CNNM2: variants seen among roughly 807,000 people sequenced by gnomAD.
The protein encoded by CNNM2 is metal transporter CNNM2.
In CNNM2, 12 loss-of-function variants were observed where a neutral mutation model predicts 66.9. The observed-to-expected ratio is 0.18, with a 90% confidence interval of 0.11 to 0.29. The LOEUF (loss-of-function observed/expected upper bound fraction) is 0.29. Ranked by LOEUF, CNNM2 falls within the 10% of genes least tolerant of loss-of-function variation. The probability of loss-of-function intolerance (pLI) is 1.00; values close to 1 mark genes in which losing one functional copy is unlikely to be tolerated. For missense variants in CNNM2, 705 were observed against 1,167.7 expected, an observed-to-expected ratio of 0.60 and a Z score of 5.77; for synonymous variants, 557 against 501.8, an observed-to-expected ratio of 1.11 and a Z score of -1.47.
chr10:103,028,072 G>C (rs936636916), intron 1 of CNNM2, among the ~76,000 whole-genome samples: 1 of 152,104 alleles, frequency 6.6e-6, no homozygotes, highest in Non-Finnish European at 1.5e-5. Flanking sequence ...TGCCTTTTTT[G>C]ATGAGGGGTC....
chr10:102,955,436 C>T (rs1337108267), intron 1 of CNNM2, among the ~76,000 whole-genome samples: 6 of 152,136 alleles, frequency 3.9e-5, no homozygotes, highest in African/African-American at 7.2e-5. Flanking sequence ...AGAAAACCTA[C>T]GCAGTACCAT....
intron 1 of CNNM2, among the ~76,000 whole-genome samples, chr10:102,995,635 G>GTA (rs1278497058): frequency 6.7e-6 from 1 of 148,878 alleles, no homozygotes; most frequent in African/African-American, 2.5e-5. Flanking sequence ...TAGTTTACAA[G>GTA]TACTAATTTA....
At chr10:102,963,220 G>C (rs913919962) in intron 1 of CNNM2, among the ~76,000 whole-genome samples, 2 of 152,166 alleles carry the variant, frequency 1.3e-5, no homozygotes, top group Non-Finnish European at 2.9e-5. Flanking sequence ...TAAGTAAGTA[G>C]TTCCAAAAAG....
intron 1 of CNNM2, among the ~76,000 whole-genome samples, chr10:102,997,285 A>T (rs2064021174): frequency 6.6e-6 from 1 of 152,176 alleles, no homozygotes; most frequent in Non-Finnish European, 1.5e-5. Context: ...TTCTTGATCC[A>T]CTGCAGGTGA....
At chr10:102,920,818 T>C (rs966716423) in intron 1 of CNNM2, among the ~76,000 whole-genome samples, 1 of 152,228 alleles carries the variant, frequency 6.6e-6, no homozygotes. Context: ...GCCAGCCTTT[T>C]GTGAAGAGGC....
At chr10:103,045,323 G>C (rs1188205857) in intron 1 of CNNM2, among the ~76,000 whole-genome samples, 1 of 152,118 alleles carries the variant, frequency 6.6e-6, no homozygotes, top group Non-Finnish European at 1.5e-5. Context: ...GAAGATTGTA[G>C]GATGCCTAAT....
At chr10:102,920,390 G>A (rs1408515875) in intron 1 of CNNM2, among the ~76,000 whole-genome samples, 1 of 138,500 alleles carries the variant, frequency 7.2e-6, no homozygotes, top group African/African-American at 2.7e-5. Context: ...TTTTTTTTTT[G>A]GTCCCGTGTG....
chr10:103,055,722 A>G (rs2065283833), intron 3 of CNNM2, among the ~76,000 whole-genome samples: 1 of 152,290 alleles, frequency 6.6e-6, no homozygotes, highest in Non-Finnish European at 1.5e-5. Flanking sequence ...TAATTAGAAA[A>G]TAAAAGAACA....
intron 1 of CNNM2, among the ~76,000 whole-genome samples, chr10:102,984,421 G>A (rs1341118835): frequency 6.6e-6 from 1 of 152,132 alleles, no homozygotes; most frequent in African/African-American, 2.4e-5. Flanking sequence ...AACAGAATGA[G>A]AGAAATAATC....
intron 1 of CNNM2, among the ~76,000 whole-genome samples, chr10:102,970,849 T>C (rs2063536289): frequency 6.6e-6 from 1 of 152,146 alleles, no homozygotes; most frequent in Non-Finnish European, 1.5e-5. Flanking sequence ...TATTGAAAGA[T>C]TCCTGTTTTG....
chr10:102,918,352 G>C lies in CNNM2; in HGVS notation c.-129G>C, dbSNP rs1477321140. On this transcript the variant is annotated 5_prime_UTR_variant, in exon 1 of 8. Coordinates refer to ENST00000369878, the MANE Select transcript of CNNM2 (RefSeq NM_017649.5). This position sits in a 1 kb window ranked among gnomAD's most constrained non-coding sequence, Gnocchi z 4.1. ...TCCTCAGCTGGCTGAGGTGGAGTCA[G>C]TGTCAGTCAGGGAGGCGAACTGCTG... 28 of 1,447,214 alleles carry C rather than the reference G, an allele frequency of 1.9e-5. No homozygotes were observed. The highest frequency in any genetic ancestry group is 2.4e-5 in the Non-Finnish European group (26 of 1,093,742). 89.6% of individuals were successfully genotyped at this position (1,447,214 alleles called of 1,614,324 possible).
At chr10:102,950,937 G>C (rs1846802001) in intron 1 of CNNM2, among the ~76,000 whole-genome samples, 1 of 142,618 alleles carries the variant, frequency 7.0e-6, no homozygotes, top group Non-Finnish European at 1.5e-5. Context: ...TTCCCTTTCT[G>C]TAATATTAGT....
chr10:103,047,209 AATGTCAGCAGTG>A (rs1186678316), intron 1 of CNNM2, among the ~76,000 whole-genome samples: 1 of 152,232 alleles, frequency 6.6e-6, no homozygotes, highest in Non-Finnish European at 1.5e-5. Flanking sequence ...GAAAAAGGTG[AATGTCAGCAGTG>A]ATGTCATATA....
rs535559572 is a variant in CNNM2 at position 102,974,463 on chromosome 10, G to A, written c.1621+54362G>A. Among the ~76,000 whole-genome samples the A allele has an allele frequency of 1.2e-3, 180 of 152,242 alleles. 1 individual carries two copies. Among genetic ancestry groups the A allele is most frequent in the African/African-American group, 4.1e-3 (171 of 41,530 alleles). On this transcript the variant is annotated intron_variant, in intron 1 of 7. Coordinates refer to ENST00000369878, the MANE Select transcript of CNNM2 (RefSeq NM_017649.5). ...AGGAGTAGCACTTAAGGACATCTGC[G>A]GAGGGCCAAATGTGAGTCCGTAGTG...
chr10:102,957,486 T>C (rs1847088942), intron 1 of CNNM2, among the ~76,000 whole-genome samples: 1 of 152,208 alleles, frequency 6.6e-6, no homozygotes, highest in African/African-American at 2.4e-5. Context: ...GGATAAGTGA[T>C]TTGAACTCTA....
At chr10:103,009,957 A>G (rs2064308506) in intron 1 of CNNM2, among the ~76,000 whole-genome samples, 1 of 151,368 alleles carries the variant, frequency 6.6e-6, no homozygotes, top group Admixed American at 6.6e-5. Flanking sequence ...TTTTTTCACA[A>G]TTAGAGACAA....
intron 1 of CNNM2, among the ~76,000 whole-genome samples, chr10:102,986,754 G>C (rs1590352374): frequency 6.7e-6 from 1 of 148,612 alleles, no homozygotes; most frequent in Non-Finnish European, 1.5e-5. Context: ...CACTCCAGCC[G>C]GGGTGACAGT....
At chr10:103,063,967 A>C (rs890517635) in intron 4 of CNNM2, among the ~76,000 whole-genome samples, 3 of 152,116 alleles carry the variant, frequency 2.0e-5, no homozygotes, top group Non-Finnish European at 2.9e-5. Context: ...GTTTTTTGGA[A>C]CCACTAACAC....
intron 1 of CNNM2, among the ~76,000 whole-genome samples, chr10:102,922,718 A>G (rs1308489145): frequency 2.6e-5 from 4 of 152,138 alleles, no homozygotes; most frequent in African/African-American, 9.7e-5. Context: ...AGGTGGGCAG[A>G]TGGCTTGAGC....
Sources: allele counts gnomAD v4.1 joint callset (sites outside exome capture counted in the v4.1 genomes callset), GRCh38; gene constraint gnomAD v4.1.1; non-coding constraint Gnocchi (gnomAD v3.1); transcripts MANE v1.5; gene names NCBI Gene and HGNC (gene_info 2026-07-23, HGNC 2026-07-21).